ST6GALNAC3: variants seen among roughly 807,000 people sequenced by gnomAD.
ST6GALNAC3 encodes the protein alpha-N-acetylgalactosaminide alpha-2,6-sialyltransferase 3.
Under a neutral mutation model 32.7 loss-of-function variants are expected in ST6GALNAC3, and 25 were observed. That is an observed-to-expected ratio of 0.76 (90% CI 0.56 to 1.07). ST6GALNAC3 has a LOEUF of 1.07. ST6GALNAC3 is among the 50% of genes least tolerant of loss of function. The probability of loss-of-function intolerance (pLI) is 0.00; values close to 1 mark genes in which losing one functional copy is unlikely to be tolerated. For missense variants in ST6GALNAC3, 355 were observed against 382.4 expected, an observed-to-expected ratio of 0.93 and a Z score of 0.60; for synonymous variants, 129 against 133.1, an observed-to-expected ratio of 0.97 and a Z score of 0.21.
chr1:76,247,931 GAA>G (rs1442667632), intron 1 of ST6GALNAC3, among the ~76,000 whole-genome samples: 2 of 151,960 alleles, frequency 1.3e-5, no homozygotes. Flanking sequence ...TTTTGTGCCT[GAA>G]ACCCAGGGCC....
chr1:76,525,799 A>ATATATATACG (rs1662861793), intron 3 of ST6GALNAC3, among the ~76,000 whole-genome samples: 1 of 66,234 alleles, frequency 1.5e-5, no homozygotes, highest in Non-Finnish European at 2.9e-5. Context: ...GTGTATATAT[A>ATATATATACG]TATATATATA....
chr1:76,515,053 A>T (rs1237140043), intron 3 of ST6GALNAC3, among the ~76,000 whole-genome samples: 1 of 152,134 alleles, frequency 6.6e-6, no homozygotes, highest in East Asian at 1.9e-4. Flanking sequence ...AGTATTTCCT[A>T]GTCTTCTATT....
At position 76,331,058 on chromosome 1, in the gene ST6GALNAC3, G is replaced by C. The variant is rs1293012098; in HGVS notation, c.213+17059G>C. On this transcript the variant is annotated intron_variant, in intron 2 of 4. Coordinates refer to ENST00000328299, the MANE Select transcript of ST6GALNAC3 (RefSeq NM_152996.4). ...AGAGGAAGGTAAAAATGAATACTGG[G>C]TACCAGTAGACAATATCTAGCATAC... 2.6e-5 allele frequency among the ~76,000 whole-genome samples: 4 copies of C among 152,272 alleles called. No individual in the cohort carries two copies. In the East Asian group the frequency reaches 7.7e-4, roughly 29 times the overall value.
At chr1:76,235,003 T>C (rs1184944156) in intron 1 of ST6GALNAC3, among the ~76,000 whole-genome samples, 1 of 152,192 alleles carries the variant, frequency 6.6e-6, no homozygotes. Flanking sequence ...TCAGCTTCTC[T>C]ACAGAGTCGC....
In ST6GALNAC3 at chr1:76,412,059, A is replaced by T; in HGVS notation, c.265A>T (p.Met89Leu). Residue 89 changes from methionine (M) to leucine (L), a missense_variant, in exon 3 of 5, where the codon ATG becomes TTG. Physicochemically the swap from Met to Leu is conservative, Grantham distance 15 (BLOSUM62 2). Coordinates refer to ENST00000328299, the MANE Select transcript of ST6GALNAC3 (RefSeq NM_152996.4). ...LCAIVSNSGQ[M>L]VGQKVGNEID... Reference sequence around the variant, plus strand: ...TGCCATAGTGTCAAACTCAGGTCAGATGGTTGGCCAGAAGGTGGGAAATGA... The same window carrying T: ...TGCCATAGTGTCAAACTCAGGTCAGTTGGTTGGCCAGAAGGTGGGAAATGA... 3.1e-6 allele frequency: 5 copies of T among 1,613,582 alleles called. No individual in the cohort carries two copies. Among genetic ancestry groups the T allele is most frequent in the Non-Finnish European group, 2.5e-6 (3 of 1,179,724 alleles).
intron 3 of ST6GALNAC3, among the ~76,000 whole-genome samples, chr1:76,600,528 G>T (rs1173283483): frequency 6.6e-6 from 1 of 152,104 alleles, no homozygotes. Context: ...CCTGCTCATT[G>T]TCCTCTGCTC....
chr1:76,625,463 A>T (rs1046982386), intron 3 of ST6GALNAC3, among the ~76,000 whole-genome samples: 2 of 151,916 alleles, frequency 1.3e-5, no homozygotes, highest in Non-Finnish European at 2.9e-5. Context: ...GGTAGAAAAA[A>T]ATAGTATGAG....
intron 2 of ST6GALNAC3, among the ~76,000 whole-genome samples, chr1:76,367,104 G>A (rs1242638247): frequency 1.3e-5 from 2 of 152,152 alleles, no homozygotes; most frequent in Non-Finnish European, 2.9e-5. Flanking sequence ...TAATCCCTTG[G>A]TGTGAAGAAA....
At chr1:76,443,654 T>G (rs1656769817) in intron 3 of ST6GALNAC3, among the ~76,000 whole-genome samples, 1 of 152,216 alleles carries the variant, frequency 6.6e-6, no homozygotes, top group Non-Finnish European at 1.5e-5. Flanking sequence ...TTGGCTAAAG[T>G]GTGAAGGAGA....
At chr1:76,295,408 T>G (rs1313506847) in intron 1 of ST6GALNAC3, among the ~76,000 whole-genome samples, 1 of 152,216 alleles carries the variant, frequency 6.6e-6, no homozygotes, top group East Asian at 1.9e-4. Flanking sequence ...TTAGAATCTG[T>G]GTGTATGTGT....
At chr1:76,417,761 G>T (rs1320458609) in intron 3 of ST6GALNAC3, among the ~76,000 whole-genome samples, 1 of 152,132 alleles carries the variant, frequency 6.6e-6, no homozygotes, top group Non-Finnish European at 1.5e-5. Context: ...CTAATTCTGG[G>T]CTGTTAAAGG....
chr1:76,368,336 G>A (rs1025189181), intron 2 of ST6GALNAC3, among the ~76,000 whole-genome samples: 2 of 152,182 alleles, frequency 1.3e-5, no homozygotes, highest in African/African-American at 4.8e-5. Flanking sequence ...TTTAAGGTGT[G>A]GTATCTGGAT....
chr1:76,493,275 C>T (rs1660614198), intron 3 of ST6GALNAC3, among the ~76,000 whole-genome samples: 2 of 152,124 alleles, frequency 1.3e-5, no homozygotes, highest in Admixed American at 1.3e-4. Flanking sequence ...AAAGACATGA[C>T]TTACAGGCAC....
intron 1 of ST6GALNAC3, among the ~76,000 whole-genome samples, chr1:76,266,804 G>C (rs1658553371): frequency 6.6e-6 from 1 of 152,120 alleles, no homozygotes; most frequent in Admixed American, 6.5e-5. Context: ...GGAATTACCT[G>C]AACTCTCATC....
chr1:76,410,061 CT>C (rs200253883), intron 2 of ST6GALNAC3, among the ~76,000 whole-genome samples: 14 of 151,898 alleles, frequency 9.2e-5, no homozygotes, highest in African/African-American at 2.7e-4. Flanking sequence ...ACCCTGGCCT[CT>C]TTTTTTTATC....
At chr1:76,088,017 C>T (rs1490912909) in intron 1 of ST6GALNAC3, among the ~76,000 whole-genome samples, 4 of 152,146 alleles carry the variant, frequency 2.6e-5, no homozygotes, top group Non-Finnish European at 5.9e-5. Context: ...GAGTGGAACA[C>T]CTGTGGGGTC....
At chr1:76,485,120 T>C (rs1660021167) in intron 3 of ST6GALNAC3, among the ~76,000 whole-genome samples, 1 of 152,194 alleles carries the variant, frequency 6.6e-6, no homozygotes, top group South Asian at 2.1e-4. Flanking sequence ...TGGATTCGGT[T>C]TGCCAGTATT....
At position 76,103,159 on chromosome 1, in the gene ST6GALNAC3, G is replaced by T. The variant is rs190205690; in HGVS notation, c.18+28275G>T. On this transcript the variant is annotated intron_variant, in intron 1 of 4. Transcript: ENST00000328299. Reference sequence around the variant, plus strand: ...AGCAGTTTTATTGTAATTGGCCTGGGTGAAGTTTTCTTTTTACATTTCCTG... The same window carrying T: ...AGCAGTTTTATTGTAATTGGCCTGGTTGAAGTTTTCTTTTTACATTTCCTG... Among the ~76,000 whole-genome samples the T allele has an allele frequency of 1.5e-4, 22 of 150,484 alleles. 1 individual carries two copies. Among genetic ancestry groups the T allele is most frequent in the Non-Finnish European group, 1.3e-4 (9 of 67,702 alleles).
intron 2 of ST6GALNAC3, among the ~76,000 whole-genome samples, chr1:76,340,517 C>T (rs1253257450): frequency 6.6e-6 from 1 of 152,222 alleles, no homozygotes; most frequent in Non-Finnish European, 1.5e-5. Flanking sequence ...AAGACCTCAA[C>T]TCCTGCCTGG....
Sources: allele counts gnomAD v4.1 joint callset (sites outside exome capture counted in the v4.1 genomes callset), GRCh38; gene constraint gnomAD v4.1.1; transcripts MANE v1.5; gene names NCBI Gene and HGNC (gene_info 2026-07-23, HGNC 2026-07-21).